Variants in KIF6 observed in about 807,000 individuals in gnomAD.
The protein encoded by KIF6 is kinesin family member 6.
In KIF6, 106 loss-of-function variants were observed where a neutral mutation model predicts 112.7. The ratio of observed to expected loss-of-function variants is 0.94; its 90% confidence interval spans 0.80 to 1.11. The LOEUF (loss-of-function observed/expected upper bound fraction) is 1.11. Among genes scored for constraint, KIF6 ranks in the 50% least tolerant of loss-of-function variants. The probability of loss-of-function intolerance (pLI) is 0.00; values close to 1 mark genes in which losing one functional copy is unlikely to be tolerated. For synonymous variants in KIF6, 339 were observed against 339.9 expected, an observed-to-expected ratio of 1.00 and a Z score of 0.03; for missense variants, 929 against 964.0, an observed-to-expected ratio of 0.96 and a Z score of 0.48.
At chr6:39,352,679 C>T (rs1764350168) in intron 19 of KIF6, among the ~76,000 whole-genome samples, 2 of 151,098 alleles carry the variant, frequency 1.3e-5, no homozygotes, top group South Asian at 4.2e-4. Context: ...TCTCGGCTCA[C>T]TGCAACCTCT....
intron 13 of KIF6, among the ~76,000 whole-genome samples, chr6:39,507,178 A>G (rs1776469197): frequency 6.6e-6 from 1 of 152,128 alleles, no homozygotes; most frequent in Non-Finnish European, 1.5e-5. Flanking sequence ...AAGTGGTGGC[A>G]GTGTTGTGGG....
In KIF6 at chr6:39,334,266, T is replaced by C. The variant is rs1762835706; in HGVS notation, c.*2266A>G. 6.6e-6 allele frequency: 1 copy of C among 152,278 alleles called. No individual in the cohort carries two copies. Among genetic ancestry groups the C allele is most frequent in the African/African-American group, 2.4e-5 (1 of 41,464 alleles). The allele number at this position is 152,278 out of a possible 1,614,324, so 9.4% of individuals were successfully genotyped here. On this transcript the variant is annotated 3_prime_UTR_variant, in exon 23 of 23. Coordinates refer to ENST00000287152, the MANE Select transcript of KIF6 (RefSeq NM_145027.6). ...TAAGGCCTTTGGATCCAGGAGATGA[T>C]GTCTCAGTGGGAGATCTAATGTTGA... is the stretch of plus-strand genomic sequence containing the variant.
At chr6:39,609,631 A>T (rs1783100594) in intron 6 of KIF6, among the ~76,000 whole-genome samples, 1 of 152,198 alleles carries the variant, frequency 6.6e-6, no homozygotes, top group Admixed American at 6.5e-5. Flanking sequence ...GCCAACGAAG[A>T]TATAAAAGTA....
intron 3 of KIF6, among the ~76,000 whole-genome samples, chr6:39,661,688 G>C (rs1008337558): frequency 6.6e-6 from 1 of 152,136 alleles, no homozygotes; most frequent in Non-Finnish European, 1.5e-5. Flanking sequence ...GTACAAGAAG[G>C]AACAGAGCCT....
At chr6:39,475,991 T>C (rs893901066) in intron 13 of KIF6, among the ~76,000 whole-genome samples, 3 of 150,862 alleles carry the variant, frequency 2.0e-5, no homozygotes, top group African/African-American at 7.3e-5. Flanking sequence ...AAGTGGGAGC[T>C]GAACAAAAAG....
chr6:39,565,953 A>G (rs1008093042), intron 10 of KIF6, among the ~76,000 whole-genome samples: 1 of 152,224 alleles, frequency 6.6e-6, no homozygotes, highest in Non-Finnish European at 1.5e-5. Context: ...ATCCCTGCTG[A>G]ACTTCTACAA....
intron 6 of KIF6, among the ~76,000 whole-genome samples, chr6:39,606,640 A>C (rs1452007120): frequency 6.6e-6 from 1 of 152,198 alleles, no homozygotes; most frequent in Non-Finnish European, 1.5e-5. Context: ...GATGGCTCAC[A>C]GTTAAGTCCC....
At chr6:39,362,319 G>T in intron 17 of KIF6, 115 bp downstream of exon 17, 1 of 790,192 alleles carries the variant, frequency 1.3e-6, no homozygotes, top group Non-Finnish European at 2.2e-6. Flanking sequence ...TGCTGTTCTA[G>T]GATCCAGCTG....
At chr6:39,532,843 A>C (rs1195959292) in intron 13 of KIF6, among the ~76,000 whole-genome samples, 1 of 152,192 alleles carries the variant, frequency 6.6e-6, no homozygotes, top group African/African-American at 2.4e-5. Flanking sequence ...GGCTTTACCC[A>C]TTTGTTCTAG....
intron 6 of KIF6, 65 bp downstream of exon 6, chr6:39,613,124 G>A: frequency 1.7e-6 from 2 of 1,201,462 alleles, no homozygotes; most frequent in Non-Finnish European, 2.2e-6. Flanking sequence ...TTTTTTTTCT[G>A]CCTTGGCTTC....
chr6:39,346,125 C>CTG (rs1491394185), intron 20 of KIF6, among the ~76,000 whole-genome samples: 1 of 90,458 alleles, frequency 1.1e-5, no homozygotes. Flanking sequence ...CCCTCTCCCT[C>CTG]CCTCTCCCTC....
chr6:39,416,475 A>G (rs1445835737), intron 15 of KIF6, among the ~76,000 whole-genome samples: 1 of 151,890 alleles, frequency 6.6e-6, no homozygotes, highest in Admixed American at 6.6e-5. Context: ...AGAAACACAG[A>G]CTCTTATTAT....
chr6:39,583,021 C>T (rs1334851975), intron 9 of KIF6, among the ~76,000 whole-genome samples: 1 of 152,172 alleles, frequency 6.6e-6, no homozygotes, highest in Non-Finnish European at 1.5e-5. Flanking sequence ...GCTTTTGATT[C>T]CTGATTTCTC....
intron 13 of KIF6, among the ~76,000 whole-genome samples, chr6:39,536,742 GCCGGGCAGAGACACAACCAAAAA>G (rs1778451911): frequency 6.6e-6 from 1 of 151,784 alleles, no homozygotes; most frequent in African/African-American, 2.4e-5. Flanking sequence ...TGATACCAAA[GCCGGGCAGAGACACAACCAAAAA>G]AGAGAATTTT....
intron 5 of KIF6, among the ~76,000 whole-genome samples, chr6:39,621,226 CACACACGT>C (rs989019867): frequency 1.5e-4 from 22 of 142,406 alleles, no homozygotes; most frequent in South Asian, 7.2e-4. Context: ...CACACACACA[CACACACGT>C]ACACATATAT....
chr6:39,589,925 T>C (rs913266357), intron 7 of KIF6, among the ~76,000 whole-genome samples: 5 of 152,232 alleles, frequency 3.3e-5, no homozygotes, highest in Non-Finnish European at 5.9e-5. Context: ...ATTAAGAAAT[T>C]TGACAAATAT....
chr6:39,708,943 C>T (rs1789375150), intron 3 of KIF6, among the ~76,000 whole-genome samples: 1 of 150,380 alleles, frequency 6.6e-6, no homozygotes, highest in South Asian at 2.1e-4. Flanking sequence ...TACTGCAATA[C>T]CATAGACATT....
intron 7 of KIF6, among the ~76,000 whole-genome samples, chr6:39,587,410 C>T (rs1781696441): frequency 6.6e-6 from 1 of 152,150 alleles, no homozygotes; most frequent in South Asian, 2.1e-4. Context: ...GAAAAGGGAG[C>T]ATTGCTTTCT....
intron 3 of KIF6, among the ~76,000 whole-genome samples, chr6:39,666,414 A>G (rs1786463694): frequency 6.6e-6 from 1 of 152,238 alleles, no homozygotes; most frequent in African/African-American, 2.4e-5. Context: ...TGAATATACA[A>G]CTATGAATTG....
Sources: allele counts gnomAD v4.1 joint callset (sites outside exome capture counted in the v4.1 genomes callset), GRCh38; gene constraint gnomAD v4.1.1; transcripts MANE v1.5; gene names NCBI Gene and HGNC (gene_info 2026-07-23, HGNC 2026-07-21).